The following OR3A2 variants were observed in gnomAD, a reference collection of about 807,000 sequenced individuals.
OR3A2 encodes olfactory receptor family 3 subfamily A member 2.
For synonymous variants in OR3A2, 126 were observed against 159.3 expected (o/e 0.79, Z 1.57); for missense variants, 318 against 392.8 (o/e 0.81, Z 1.61).
rs148723717 is a variant in OR3A2 at position 3,345,284 on chromosome 17, G to A, written c.-178-9158C>T. Reference sequence around the variant, plus strand: ...TAGAGGTCAACCAAGTAAATAATCCGGACACATCTATTGGTCCACAAGCCT... The same window carrying A: ...TAGAGGTCAACCAAGTAAATAATCCAGACACATCTATTGGTCCACAAGCCT... On this transcript the variant is annotated intron_variant, in intron 2 of 4. Transcript: ENST00000573491. Among the ~76,000 whole-genome samples, 686 of 152,198 alleles carry A rather than the reference G, an allele frequency of 4.5e-3. 7 individuals are homozygous for A. The highest frequency in any genetic ancestry group is 0.015 in the African/African-American group (632 of 41,510).
intron 2 of OR3A2, among the ~76,000 whole-genome samples, chr17:3,370,500 T>C (rs2049604277): frequency 6.6e-6 from 1 of 152,234 alleles, no homozygotes; most frequent in South Asian, 2.1e-4. Context: ...ATCTTTTGTA[T>C]TTTTTGTTTG....
At chr17:3,292,561 T>C (rs766454594) in intron 3 of OR3A2, 2 of 1,609,472 alleles carry the variant, frequency 1.2e-6, no homozygotes, top group South Asian at 1.1e-5. Context: ...ACTGTTCCAT[T>C]GGCCCCAGAT....
At chr17:3,384,108 G>A (rs188978347) in intron 1 of OR3A2, among the ~76,000 whole-genome samples, 3 of 152,192 alleles carry the variant, frequency 2.0e-5, no homozygotes, top group Admixed American at 6.5e-5. Flanking sequence ...TCCCTGCTAA[G>A]ACCTGACTTA....
intron 3 of OR3A2, among the ~76,000 whole-genome samples, chr17:3,324,745 G>A (rs184294426): frequency 1.1e-4 from 17 of 152,172 alleles, no homozygotes; most frequent in East Asian, 7.7e-4. Context: ...GTACCCGGCC[G>A]TGTGAGGTGT....
rs148271211 is a variant in OR3A2, at chr17:3,385,643, T to C, written c.-275+482A>G. The stretch of plus-strand genomic sequence containing the variant: ...TGAGGCTCAGAAAGGTCTCAACACC[T>C]TTGTGGTAGAGCCAGGATTCAAAGC... On this transcript the variant is annotated intron_variant, in intron 1 of 4. Transcript: ENST00000573491. Among the ~76,000 whole-genome samples the C allele has an allele frequency of 3.8e-3, 572 of 152,264 alleles. 5 individuals are homozygous for C. The highest frequency in any genetic ancestry group is 0.013 in the African/African-American group (545 of 41,550).
chr17:3,317,200 C>T (rs1437955079), intron 3 of OR3A2, among the ~76,000 whole-genome samples: 1 of 151,994 alleles, frequency 6.6e-6, no homozygotes. Flanking sequence ...AACAGTGAGC[C>T]AGGAAGAGAC....
chr17:3,314,216 A>G (rs561019639), intron 3 of OR3A2, among the ~76,000 whole-genome samples: 1 of 152,334 alleles, frequency 6.6e-6, no homozygotes, highest in East Asian at 1.9e-4. Context: ...TGAGCATAAC[A>G]CTATAGGTTG....
intron 2 of OR3A2, among the ~76,000 whole-genome samples, chr17:3,367,595 G>A (rs1414136841): frequency 3.5e-5 from 3 of 86,196 alleles, no homozygotes; most frequent in African/African-American, 1.6e-4. Context: ...ATATGTGTGT[G>A]TGTGTGTATA....
chr17:3,372,738 C>G (rs1481820656), intron 2 of OR3A2, among the ~76,000 whole-genome samples: 1 of 151,616 alleles, frequency 6.6e-6, no homozygotes, highest in Non-Finnish European at 1.5e-5. Flanking sequence ...GCAGGAGAAT[C>G]AGGCAGGGAG....
intron 3 of OR3A2, among the ~76,000 whole-genome samples, chr17:3,307,918 G>A (rs1273239631): frequency 2.0e-5 from 3 of 152,178 alleles, no homozygotes; most frequent in African/African-American, 7.2e-5. Flanking sequence ...AAGATGATGG[G>A]CTGGATTAAA....
intron 2 of OR3A2, among the ~76,000 whole-genome samples, chr17:3,367,772 G>A (rs1424195223): frequency 6.6e-6 from 1 of 151,950 alleles, no homozygotes; most frequent in African/African-American, 2.4e-5. Context: ...CCAGTAGTGG[G>A]ATTGCTGGTT....
At chr17:3,307,618 G>C (rs979808266) in intron 3 of OR3A2, among the ~76,000 whole-genome samples, 1 of 152,194 alleles carries the variant, frequency 6.6e-6, no homozygotes, top group African/African-American at 2.4e-5. Context: ...GGTGTTGGAG[G>C]CATGAGACTA....
chr17:3,354,421 T>C (rs1486538718), intron 2 of OR3A2, among the ~76,000 whole-genome samples: 3 of 151,426 alleles, frequency 2.0e-5, no homozygotes, highest in East Asian at 1.9e-4. Context: ...TAAAGGTTTT[T>C]ATTTATAGGA....
intron 3 of OR3A2, among the ~76,000 whole-genome samples, chr17:3,331,418 T>G (rs1430768700): frequency 6.6e-6 from 1 of 151,770 alleles, no homozygotes; most frequent in African/African-American, 2.4e-5. Flanking sequence ...TCATTTCTTT[T>G]TATTCTTTTT....
intron 2 of OR3A2, among the ~76,000 whole-genome samples, chr17:3,372,759 G>A (rs1483363062): frequency 6.6e-6 from 1 of 151,794 alleles, no homozygotes; most frequent in Non-Finnish European, 1.5e-5. Flanking sequence ...GTTGCAGTGA[G>A]CCGAGATGGC....
At chr17:3,294,025 TG>T (rs2048899575) in intron 3 of OR3A2, among the ~76,000 whole-genome samples, 1 of 152,090 alleles carries the variant, frequency 6.6e-6, no homozygotes, top group African/African-American at 2.4e-5. Context: ...ACCTAGGTGA[TG>T]GGGTGATAGG....
At chr17:3,297,723 T>C (rs2048931256) in intron 3 of OR3A2, among the ~76,000 whole-genome samples, 1 of 152,028 alleles carries the variant, frequency 6.6e-6, no homozygotes, top group African/African-American at 2.4e-5. Flanking sequence ...TACAGTAGGG[T>C]TCAATATTTC....
At chr17:3,384,854 A>T (rs1273829215) in intron 1 of OR3A2, among the ~76,000 whole-genome samples, 1 of 152,092 alleles carries the variant, frequency 6.6e-6, no homozygotes, top group African/African-American at 2.4e-5. Context: ...GACCATATGG[A>T]CCACAAGCCT....
exon 2 of OR3A2, chr17:3,278,107 A>C: frequency 6.2e-7 from 1 of 1,614,226 alleles, no homozygotes; most frequent in Non-Finnish European, 8.5e-7. Context: ...TCCTTGTCTG[A>C]AGCCTCCTCT....
Sources: allele counts gnomAD v4.1 joint callset (sites outside exome capture counted in the v4.1 genomes callset), GRCh38; gene constraint gnomAD v4.1.1; transcripts MANE v1.5; gene names NCBI Gene and HGNC (gene_info 2026-07-23, HGNC 2026-07-21).